Variants in GRM3 observed in about 807,000 individuals in gnomAD.
The protein encoded by GRM3 is glutamate metabotropic receptor 3.
Under a neutral mutation model 70.5 loss-of-function variants are expected in GRM3, and 26 were observed. That is an observed-to-expected ratio of 0.37 (90% CI 0.27 to 0.51). GRM3 has a LOEUF of 0.51. GRM3 is among the 20% of genes least tolerant of loss of function. GRM3 has a pLI of 0.93. For missense variants in GRM3, 859 were observed against 1,123.8 expected (o/e 0.76, Z 3.37); for synonymous variants, 443 against 434.9 (o/e 1.02, Z -0.23).
At chr7:86,713,321 GATT>G (rs1228023374) in intron 1 of GRM3, among the ~76,000 whole-genome samples, 18 of 151,992 alleles carry the variant, frequency 1.2e-4, no homozygotes, top group Middle Eastern at 3.2e-3. Context: ...TTTAAAGTCA[GATT>G]ATGTTTTTTG....
rs2116736186 is a variant in GRM3 at position 86,839,243 on chromosome 7, G to A, written c.1729G>A (p.Ala577Thr). 1 of 1,613,916 alleles carries A rather than the reference G, an allele frequency of 6.2e-7. No homozygotes were observed. Residue 577 changes from alanine (A) to threonine (T), a missense_variant, in exon 4 of 6, where the codon GCC becomes ACC. Ala to Thr is a moderately conservative substitution (Grantham distance 58). Coordinates refer to ENST00000361669, the MANE Select transcript of GRM3 (RefSeq NM_000840.3). This position sits in a 1 kb window ranked among gnomAD's most constrained non-coding sequence, Gnocchi z 4.5. ...CTACATCAGGTGGGAAGACGCCTGGGCCATTGGCCCAGTCACCATTGCCTG... is the reference window on the plus strand; with the variant it reads ...CTACATCAGGTGGGAAGACGCCTGGACCATTGGCCCAGTCACCATTGCCTG... ...EDYIRWEDAWAIGPVTIACLG... is the reference protein window; with the variant it reads ...EDYIRWEDAWTIGPVTIACLG...
intron 3 of GRM3, among the ~76,000 whole-genome samples, chr7:86,809,412 TG>T (rs2116650756): frequency 6.6e-6 from 1 of 152,210 alleles, no homozygotes; most frequent in South Asian, 2.1e-4. Context: ...CTGAATGTCA[TG>T]GTGATAATAG....
chr7:86,851,369 C>A (rs1164956294), intron 5 of GRM3, among the ~76,000 whole-genome samples: 2 of 152,118 alleles, frequency 1.3e-5, no homozygotes, highest in African/African-American at 2.4e-5. Flanking sequence ...TGATTTAATT[C>A]TTTAGAGTTC....
chr7:86,781,175 C>T (rs1049627711), intron 2 of GRM3, among the ~76,000 whole-genome samples: 2 of 151,992 alleles, frequency 1.3e-5, no homozygotes, highest in African/African-American at 2.4e-5. Context: ...ACAATTAGAA[C>T]AGTAGCTGGC....
At chr7:86,687,952 G>A (rs1794604253) in intron 1 of GRM3, among the ~76,000 whole-genome samples, 1 of 151,406 alleles carries the variant, frequency 6.6e-6, no homozygotes, top group Non-Finnish European at 1.5e-5. Context: ...GAATAAATAG[G>A]AAGCCAGAAA....
chr7:86,663,762 T>C (rs536488696), intron 1 of GRM3, among the ~76,000 whole-genome samples: 7 of 152,100 alleles, frequency 4.6e-5, no homozygotes, highest in Non-Finnish European at 8.8e-5. Context: ...GAGCTCATCA[T>C]CTTGTGAGGG....
intron 1 of GRM3, among the ~76,000 whole-genome samples, chr7:86,656,986 T>A (rs932009370): frequency 6.6e-6 from 1 of 152,288 alleles, no homozygotes; most frequent in Non-Finnish European, 1.5e-5. Flanking sequence ...ACATATTTAA[T>A]GAGAAAACAT....
At chr7:86,664,187 A>G (rs1793966833) in intron 1 of GRM3, among the ~76,000 whole-genome samples, 2 of 152,030 alleles carry the variant, frequency 1.3e-5, no homozygotes, top group South Asian at 4.2e-4. Flanking sequence ...GTGGAGAATG[A>G]TGGGGGTTGA....
chr7:86,708,922 G>A (rs534872512), intron 1 of GRM3, among the ~76,000 whole-genome samples: 1 of 141,468 alleles, frequency 7.1e-6, no homozygotes, highest in East Asian at 2.2e-4. Context: ...TAAGTAGCTC[G>A]AATCTCTGTC....
chr7:86,777,184 T>C (rs1427972853), intron 2 of GRM3, among the ~76,000 whole-genome samples: 1 of 152,210 alleles, frequency 6.6e-6, no homozygotes, highest in African/African-American at 2.4e-5. Flanking sequence ...GAATCCTTTG[T>C]GGTCTGCATA....
chr7:86,807,278 G>C (rs1455237763), intron 3 of GRM3, among the ~76,000 whole-genome samples: 1 of 68,572 alleles, frequency 1.5e-5, no homozygotes, highest in East Asian at 2.3e-4. Context: ...CCAATTCTGT[G>C]AAGAAAGTCA....
chr7:86,751,507 A>G (rs916217133), intron 1 of GRM3, among the ~76,000 whole-genome samples: 1 of 152,116 alleles, frequency 6.6e-6, no homozygotes, highest in Non-Finnish European at 1.5e-5. Flanking sequence ...TTTTTTGAAC[A>G]GTGGAACATA....
rs1793395537 is a variant in GRM3 at position 86,644,163 on chromosome 7, C to T, written c.-850C>T. The T allele has an allele frequency of 6.2e-6, 1 of 160,188 alleles. No individual in the cohort carries two copies. The highest frequency in any genetic ancestry group is 5.9e-5 in the Admixed American group (1 of 17,040). The allele number at this position is 160,188 out of a possible 1,614,324, so 9.9% of individuals were successfully genotyped here. Reference sequence around the variant, plus strand: ...CCCTTCACCCCACTCCGAAATTCACCGACCTTTGCATGCACTGCCTAAGGA... The same window carrying T: ...CCCTTCACCCCACTCCGAAATTCACTGACCTTTGCATGCACTGCCTAAGGA... On this transcript the variant is annotated 5_prime_UTR_variant, in exon 1 of 6. Coordinates refer to ENST00000361669, the MANE Select transcript of GRM3 (RefSeq NM_000840.3).
intron 1 of GRM3, among the ~76,000 whole-genome samples, chr7:86,705,567 T>G (rs1192652074): frequency 6.6e-6 from 1 of 152,048 alleles, no homozygotes; most frequent in African/African-American, 2.4e-5. Context: ...GCCTTTTAAA[T>G]TTTTTTGTAA....
chr7:86,781,648 T>C (rs1190616591), intron 2 of GRM3, among the ~76,000 whole-genome samples: 3 of 152,098 alleles, frequency 2.0e-5, no homozygotes, highest in Non-Finnish European at 2.9e-5. Flanking sequence ...CCCTGTGAGA[T>C]TGTTTTCTCA....
chr7:86,789,841 G>T (rs1797361457), intron 3 of GRM3, among the ~76,000 whole-genome samples: 1 of 152,184 alleles, frequency 6.6e-6, no homozygotes, highest in South Asian at 2.1e-4. Context: ...GTTCCCACTA[G>T]CTAATTCCAG....
chr7:86,827,602 C>T (rs1247182451), intron 3 of GRM3, among the ~76,000 whole-genome samples: 4 of 152,002 alleles, frequency 2.6e-5, no homozygotes, highest in African/African-American at 9.7e-5. Flanking sequence ...CAACCTCTGC[C>T]TCCCGCATTC....
chr7:86,645,465 C>T (rs984694814), intron 1 of GRM3, among the ~76,000 whole-genome samples: 9 of 152,180 alleles, frequency 5.9e-5, no homozygotes, highest in African/African-American at 1.9e-4. Context: ...AAAAGCCAGA[C>T]AGGGAGCATA....
intron 1 of GRM3, among the ~76,000 whole-genome samples, chr7:86,739,826 C>G (rs1795946429): frequency 6.6e-6 from 1 of 152,184 alleles, no homozygotes; most frequent in African/African-American, 2.4e-5. Flanking sequence ...TTATCTAAGG[C>G]TCAAGAGTAA....
Sources: gnomAD v4.1 joint callset for allele counts (sites outside exome capture counted in the v4.1 genomes callset) on GRCh38, gnomAD v4.1.1 for gene constraint, Gnocchi (gnomAD v3.1) non-coding constraint, MANE v1.5 for transcripts, NCBI Gene and HGNC (gene_info 2026-07-23, HGNC 2026-07-21) for gene names.